DLGAP4: variants seen among roughly 807,000 people sequenced by gnomAD.
DLGAP4 encodes disks large-associated protein 4.
A neutral mutation model predicts 86.9 loss-of-function variants in DLGAP4; 18 were observed. The ratio of observed to expected loss-of-function variants is 0.21; its 90% CI spans 0.14 to 0.31. DLGAP4 has a LOEUF of 0.31. Among genes scored for constraint, DLGAP4 ranks in the 10% least tolerant of loss-of-function variants. The probability of loss-of-function intolerance (pLI) is 1.00; values close to 1 mark genes in which losing one functional copy is unlikely to be tolerated. For synonymous variants in DLGAP4, 548 were observed against 574.3 expected (o/e 0.95, Z 0.65); for missense variants, 1,085 against 1,362.6 (o/e 0.80, Z 3.21).
intron 1 of DLGAP4, among the ~76,000 whole-genome samples, chr20:36,318,726 G>C (rs2065136732): frequency 1.3e-5 from 2 of 152,138 alleles, no homozygotes; most frequent in South Asian, 4.1e-4. Context: ...AGACAGACGA[G>C]GGCAGGGAGG....
chr20:36,323,207 A>T (rs1555890752), intron 1 of DLGAP4, among the ~76,000 whole-genome samples: 2 of 146,210 alleles, frequency 1.4e-5, no homozygotes, highest in South Asian at 4.5e-4. Flanking sequence ...AAAAAAAGAT[A>T]TAGGATATCT....
Position 36,527,007 on chromosome 20 carries a change from C to T in DLGAP4, c.2955C>T (p.Val985=). ...GCGCAGACAGCATCGAGATTTATGT[C>T]CCGGAGGCCCAGACCAGGCTCTGAG... ...TESADSIEIY[V]PEAQTRL is the part of the protein sequence containing the mutation. The change falls in exon 13 of 13, where the codon GTC becomes GTT. Residue 985 remains valine (V), a synonymous_variant. Coordinates refer to ENST00000339266, the MANE Select transcript of DLGAP4 (RefSeq NM_001365621.2). 1 of 1,608,106 alleles carries T rather than the reference C, an allele frequency of 6.2e-7. No homozygotes were observed. Among genetic ancestry groups the T allele is most frequent in the Non-Finnish European group, 8.5e-7 (1 of 1,176,870 alleles).
rs114010640 is a variant in DLGAP4, at chr20:36,446,488, G to C, written c.1408-209G>C. Among the ~76,000 whole-genome samples, 79 of 152,322 alleles carry C rather than the reference G, an allele frequency of 5.2e-4. 1 individual carries two copies. Among genetic ancestry groups the C allele is most frequent in the African/African-American group, 1.7e-3 (71 of 41,570 alleles). ...ATTCCAACTTTGTCCTCATTATAGA[G>C]ATGGGAAAATTGAGGCCCAGAGAGG... On this transcript the variant is annotated intron_variant, in intron 6 of 12. Transcript: ENST00000339266.
intron 4 of DLGAP4, 71 bp from the exon 5 acceptor site, chr20:36,439,683 T>TGGTGCTTTTTTTGGA: frequency 1.5e-6 from 2 of 1,344,412 alleles, no homozygotes; most frequent in African/African-American, 2.9e-5. Flanking sequence ...GCATCACAGA[T>TGGTGCTTTTTTTGGA]GGTCAAGGCC....
intron 2 of DLGAP4, among the ~76,000 whole-genome samples, chr20:36,402,306 C>T (rs2032186803): frequency 6.6e-6 from 1 of 152,210 alleles, no homozygotes; most frequent in Admixed American, 6.5e-5. Context: ...AGTCACTTTG[C>T]TTCTCTGGAC....
chr20:36,521,270 C>G (rs929252627), intron 10 of DLGAP4, among the ~76,000 whole-genome samples: 1 of 152,150 alleles, frequency 6.6e-6, no homozygotes, highest in African/African-American at 2.4e-5. Context: ...ACCATGATCC[C>G]TCTGATTTCT....
At chr20:36,331,883 T>C (rs1228327274) in intron 1 of DLGAP4, among the ~76,000 whole-genome samples, 11 of 151,710 alleles carry the variant, frequency 7.3e-5, no homozygotes, top group Non-Finnish European at 2.9e-5. Context: ...GCCAGTCTTT[T>C]GAGGATCTGG....
intron 10 of DLGAP4, among the ~76,000 whole-genome samples, chr20:36,508,467 C>T (rs2036511927): frequency 2.3e-5 from 3 of 129,678 alleles, no homozygotes; most frequent in South Asian, 5.1e-4. Flanking sequence ...TCTCTCGTTA[C>T]CTAGTCTGGA....
rs751640475 is a variant in DLGAP4 at position 36,499,683 on chromosome 20, C to T, written c.2099+7C>T. On this transcript the variant is annotated splice_region_variant and intron_variant, in intron 9 of 12. Coordinates refer to ENST00000339266, the MANE Select transcript of DLGAP4 (RefSeq NM_001365621.2). ...AGGTAGAGGACGACTGGCGGTAAGT[C>T]GGACAGAGGTGGCGGCTGCTTCTCC... 11 of 1,612,442 alleles carry T rather than the reference C, an allele frequency of 6.8e-6. No individual in the cohort carries two copies. Among genetic ancestry groups the T allele is most frequent in the South Asian group, 2.2e-5 (2 of 90,636 alleles).
At chr20:36,379,329 G>C (rs1406797978) in intron 2 of DLGAP4, among the ~76,000 whole-genome samples, 4 of 152,198 alleles carry the variant, frequency 2.6e-5, no homozygotes, top group Non-Finnish European at 4.4e-5. Flanking sequence ...GCGGGATCCT[G>C]TCAGGGGGAA....
intron 7 of DLGAP4, among the ~76,000 whole-genome samples, chr20:36,479,906 A>G (rs2035109149): frequency 6.6e-6 from 1 of 152,196 alleles, no homozygotes; most frequent in Non-Finnish European, 1.5e-5. Context: ...TGCAGAGTCC[A>G]TGGAGGGCCT....
At chr20:36,324,736 G>A (rs1400737283) in intron 1 of DLGAP4, among the ~76,000 whole-genome samples, 1 of 152,090 alleles carries the variant, frequency 6.6e-6, no homozygotes, top group Non-Finnish European at 1.5e-5. Context: ...TTGTAGCTTT[G>A]TAATAAGTTT....
At position 36,320,115 on chromosome 20, in the gene DLGAP4, TAGGCCCCCCTCTGTGTCTTCCTCTCCC is replaced by T. The variant is rs1380311300; in HGVS notation, c.-304+13623_-304+13649del. On this transcript the variant is annotated intron_variant, in intron 1 of 12. Coordinates refer to ENST00000339266, the MANE Select transcript of DLGAP4 (RefSeq NM_001365621.2). ...GGCCTCCCTCTGTGTCGCATTCCCC[TAGGCCCCCCTCTGTGTCTTCCTCTCCC>T]AGGCCCCCCTCTGTGTCTTTCTCTC... Among the ~76,000 whole-genome samples the T allele has an allele frequency of 2.4e-4, 22 of 90,584 alleles. No homozygotes were observed. The East Asian group carries it at 4.7e-3, about 19-fold the overall frequency. The allele number at this position is 90,584 out of a possible 152,430, so 59.4% of individuals were successfully genotyped here.
intron 10 of DLGAP4, among the ~76,000 whole-genome samples, chr20:36,514,789 CTTA>C (rs1284746874): frequency 1.3e-5 from 2 of 151,952 alleles, no homozygotes; most frequent in Admixed American, 1.3e-4. Flanking sequence ...AGAAAGGGAG[CTTA>C]TTATGCTGGA....
At chr20:36,382,970 G>C (rs1167719327) in intron 2 of DLGAP4, among the ~76,000 whole-genome samples, 1 of 152,174 alleles carries the variant, frequency 6.6e-6, no homozygotes, top group African/African-American at 2.4e-5. Flanking sequence ...GTTGGGAAGG[G>C]GGAATGTTTA....
At chr20:36,316,088 AGC>A (rs1446239506) in intron 1 of DLGAP4, among the ~76,000 whole-genome samples, 5 of 152,312 alleles carry the variant, frequency 3.3e-5, no homozygotes, top group Admixed American at 6.5e-5. Flanking sequence ...TCAATCACAA[AGC>A]GGAAGGTGGG....
Position 36,431,511 on chromosome 20 carries a change from C to A in DLGAP4, c.-72-135C>A. 1 of 594,584 alleles carries A rather than the reference C, an allele frequency of 1.7e-6. No homozygotes were observed. The highest frequency in any genetic ancestry group is 2.9e-6 in the Non-Finnish European group (1 of 343,284). The allele number at this position is 594,584 out of a possible 1,614,324, so 36.8% of individuals were successfully genotyped here. A position where few individuals can be genotyped will look rare whatever the true frequency, so the allele number is the denominator to read the frequency against. On this transcript the variant is annotated intron_variant, in intron 2 of 12. Coordinates refer to ENST00000339266, the MANE Select transcript of DLGAP4 (RefSeq NM_001365621.2). The surrounding 1 kb of genome is among the most constrained non-coding windows in gnomAD (Gnocchi z 5.1). ...GAGTACGTGGGCCTCGGTGTGTACT[C>A]CTGTCCTCAGGCCCACAACATTGAG...
intron 9 of DLGAP4, 65 bp downstream of exon 9, chr20:36,499,741 C>A: frequency 1.4e-6 from 2 of 1,414,806 alleles, no homozygotes; most frequent in South Asian, 1.2e-5. Flanking sequence ...TCTCACCTCT[C>A]CTGCTCTCCC....
chr20:36,453,582 A>T (rs2033796891), intron 7 of DLGAP4, among the ~76,000 whole-genome samples: 1 of 151,934 alleles, frequency 6.6e-6, no homozygotes, highest in African/African-American at 2.4e-5. Flanking sequence ...GCAGTGAGCC[A>T]TGATCATGCC....
Sources: gnomAD v4.1 joint callset for allele counts (sites outside exome capture counted in the v4.1 genomes callset) on GRCh38, gnomAD v4.1.1 for gene constraint, Gnocchi (gnomAD v3.1) non-coding constraint, MANE v1.5 for transcripts, NCBI Gene and HGNC (gene_info 2026-07-23, HGNC 2026-07-21) for gene names.